MAGI2: variants seen among roughly 807,000 people sequenced by gnomAD.
The protein encoded by MAGI2 is membrane associated guanylate kinase, WW and PDZ domain containing 2.
In MAGI2, 35 loss-of-function variants were observed where a neutral mutation model predicts 133.3. The ratio of observed to expected loss-of-function variants is 0.26; its 90% confidence interval spans 0.20 to 0.35. The LOEUF (loss-of-function observed/expected upper bound fraction) is 0.35. Among genes scored for constraint, MAGI2 ranks in the 10% least tolerant of loss-of-function variants. MAGI2 has a pLI of 1.00. For missense variants in MAGI2, 1,636 were observed against 1,863.4 expected, an observed-to-expected ratio of 0.88 and a Z score of 2.25; for synonymous variants, 729 against 710.6, an observed-to-expected ratio of 1.03 and a Z score of -0.41.
At chr7:79,229,715 A>G (rs1745530369) in intron 1 of MAGI2, among the ~76,000 whole-genome samples, 2 of 152,142 alleles carry the variant, frequency 1.3e-5, no homozygotes, top group Non-Finnish European at 2.9e-5. Flanking sequence ...GCAACTGATG[A>G]TATGACTTCT....
rs980271786 is a variant in MAGI2 at position 78,831,874 on chromosome 7, G to A, written c.418+175216C>T. On this transcript the variant is annotated intron_variant, in intron 2 of 21. Coordinates refer to ENST00000354212, the MANE Select transcript of MAGI2 (RefSeq NM_012301.4). ...ACTTTAAACACTCTCTGAAAAGAGA[G>A]TTATAATTTTCATGTGAAATTTATT... 5.3e-5 allele frequency among the ~76,000 whole-genome samples: 8 copies of A among 152,240 alleles called. 1 individual carries two copies. Among genetic ancestry groups the A allele is most frequent in the African/African-American group, 1.7e-4 (7 of 41,534 alleles).
intron 1 of MAGI2, among the ~76,000 whole-genome samples, chr7:79,034,005 T>A (rs539819746): frequency 7.2e-5 from 11 of 152,286 alleles, no homozygotes; most frequent in African/African-American, 2.4e-4. Context: ...GTATATTTTT[T>A]AAAAAATTAG....
intron 1 of MAGI2, among the ~76,000 whole-genome samples, chr7:79,325,676 GTTA>G (rs1839636031): frequency 6.6e-6 from 1 of 152,154 alleles, no homozygotes; most frequent in African/African-American, 2.4e-5. Context: ...ACATGAAAGA[GTTA>G]TTAATTCCAC....
chr7:79,052,503 C>G (rs1812765621), intron 1 of MAGI2, among the ~76,000 whole-genome samples: 1 of 152,194 alleles, frequency 6.6e-6, no homozygotes, highest in South Asian at 2.1e-4. Flanking sequence ...AGAAATGGCT[C>G]TGGGATGTTG....
chr7:78,024,830 C>A (rs978422211), intron 21 of MAGI2, among the ~76,000 whole-genome samples: 7 of 152,128 alleles, frequency 4.6e-5, no homozygotes, highest in Admixed American at 4.6e-4. Flanking sequence ...CCCAGGGCAA[C>A]TAACCTAATT....
chr7:78,365,978 G>T (rs774007077), intron 7 of MAGI2, among the ~76,000 whole-genome samples: 6 of 152,172 alleles, frequency 3.9e-5, no homozygotes, highest in Non-Finnish European at 8.8e-5. Context: ...CTGAAGAGAG[G>T]TGCTAACTGC....
At chr7:78,521,807 T>C (rs927383130) in intron 3 of MAGI2, among the ~76,000 whole-genome samples, 162 bp from the exon 4 acceptor site, 4 of 152,160 alleles carry the variant, frequency 2.6e-5, no homozygotes, top group African/African-American at 9.7e-5. Context: ...TGTGTCTCTC[T>C]ATATATATAC....
At chr7:78,461,649 T>C (rs971139797) in intron 6 of MAGI2, among the ~76,000 whole-genome samples, 15 of 152,020 alleles carry the variant, frequency 9.9e-5, no homozygotes, top group Admixed American at 5.3e-4. Context: ...CAGTGGCTCA[T>C]GCCTGTAATC....
chr7:78,725,353 GA>G (rs761542226), intron 2 of MAGI2, among the ~76,000 whole-genome samples: 7 of 152,158 alleles, frequency 4.6e-5, no homozygotes, highest in Non-Finnish European at 7.3e-5. Flanking sequence ...CTTCACTTTT[GA>G]ACAAATCAGG....
intron 16 of MAGI2, among the ~76,000 whole-genome samples, chr7:78,151,892 T>C (rs1472935054): frequency 6.6e-6 from 1 of 152,030 alleles, no homozygotes; most frequent in Non-Finnish European, 1.5e-5. Context: ...TTGATGAGGA[T>C]TGCGCTGGAT....
intron 21 of MAGI2, chr7:78,072,638 G>C (rs1416918203): frequency 1.5e-5 from 5 of 328,680 alleles, no homozygotes; most frequent in African/African-American, 8.5e-5. Context: ...GCAGATAATA[G>C]CAAAAAAGAT....
intron 1 of MAGI2, among the ~76,000 whole-genome samples, chr7:79,209,423 C>T (rs1255259903): frequency 1.3e-5 from 2 of 151,876 alleles, no homozygotes; most frequent in Admixed American, 6.6e-5. Context: ...TAAGAACTTA[C>T]AAAAATAAGG....
chr7:79,196,729 T>C (rs941588980), intron 1 of MAGI2, among the ~76,000 whole-genome samples: 1 of 151,954 alleles, frequency 6.6e-6, no homozygotes, highest in Non-Finnish European at 1.5e-5. Context: ...CAAAGTTGCA[T>C]CAGATATGGC....
At position 78,256,535 on chromosome 7, in the gene MAGI2, A is replaced by G; in HGVS notation, c.1455T>C (p.Thr485=). Residue 485 remains threonine (T), a synonymous_variant, in exon 10 of 22, where the codon ACT becomes ACC. Coordinates refer to ENST00000354212, the MANE Select transcript of MAGI2 (RefSeq NM_012301.4). ...GGAAAAGTTTGACAACATCTGCATG[A>G]GTGTGTCCAAGGACACAAACTTCAT... ...YINEVCVLGH[T]HADVVKLFQS... The G allele has an allele frequency of 6.2e-7, 1 of 1,613,726 alleles. No homozygotes were observed. Among genetic ancestry groups the G allele is most frequent in the African/African-American group, 1.3e-5 (1 of 75,038 alleles).
chr7:78,948,272 C>T (rs1010401586), intron 2 of MAGI2, among the ~76,000 whole-genome samples: 5 of 151,738 alleles, frequency 3.3e-5, no homozygotes, highest in Admixed American at 1.3e-4. Flanking sequence ...GAAGTATATA[C>T]GATTATTTTA....
intron 1 of MAGI2, among the ~76,000 whole-genome samples, chr7:79,110,536 C>G (rs1302086959): frequency 6.6e-6 from 1 of 152,166 alleles, no homozygotes; most frequent in African/African-American, 2.4e-5. Flanking sequence ...AATGCCTGTA[C>G]CCACATTGCA....
chr7:78,892,481 A>C (rs867499368), intron 2 of MAGI2, among the ~76,000 whole-genome samples: 146 of 152,164 alleles, frequency 9.6e-4, no homozygotes, highest in African/African-American at 3.2e-3. Flanking sequence ...TTCAAACTAT[A>C]CTACAAGGCT....
rs144743202 is a variant in MAGI2 at position 78,132,897 on chromosome 7, G to A, written c.3195C>T (p.His1065=). The stretch of plus-strand genomic sequence containing the variant: ...GTCAGAGGAAATTTTACCTATTTTC[G>A]TGTCCTTGCAGCTGAAGTGGTTGAG... The part of the protein sequence containing the change: ...APPQPLQLQG[H]ENSYRSEVKA... The change falls in exon 18 of 22, where the codon CAC becomes CAT. Residue 1065 remains histidine (H), a synonymous_variant. Coordinates refer to ENST00000354212, the MANE Select transcript of MAGI2 (RefSeq NM_012301.4). The A allele has an allele frequency of 6.9e-5, 112 of 1,613,538 alleles. 1 individual carries two copies. The Admixed American group carries it at 1.5e-3, about 21-fold the overall frequency.
At chr7:78,838,334 A>T (rs1026539063) in intron 2 of MAGI2, among the ~76,000 whole-genome samples, 3 of 152,062 alleles carry the variant, frequency 2.0e-5, no homozygotes, top group Non-Finnish European at 4.4e-5. Flanking sequence ...GAATCATCTA[A>T]TCAGGTTCAG....
Sources: gnomAD v4.1 joint callset for allele counts (sites outside exome capture counted in the v4.1 genomes callset) on GRCh38, gnomAD v4.1.1 for gene constraint, MANE v1.5 for transcripts, NCBI Gene and HGNC (gene_info 2026-07-23, HGNC 2026-07-21) for gene names.